Variants in LIPE observed in about 807,000 individuals in gnomAD.
LIPE encodes hormone-sensitive lipase.
LIPE carries 66 observed loss-of-function variants against 88.5 expected under a neutral mutation model. The ratio of observed to expected loss-of-function variants is 0.75; its 90% CI spans 0.61 to 0.91. The LOEUF (loss-of-function observed/expected upper bound fraction) is 0.91, where lower values mean the gene tolerates loss of function less well. Among genes scored for constraint, LIPE ranks in the 40% least tolerant of loss-of-function variants. LIPE has a pLI of 0.00. For missense variants in LIPE, 1,346 were observed against 1,434.7 expected (o/e 0.94, Z 1.00); for synonymous variants, 570 against 617.5 (o/e 0.92, Z 1.14).
At position 42,426,628 on chromosome 19, in the gene LIPE, T is replaced by C. The variant is rs149105201; in HGVS notation, c.522A>G (p.Glu174=). Residue 174 remains glutamate, a synonymous_variant, in exon 1 of 10, where the codon GAA becomes GAG. Transcript: ENST00000244289. ...GAKREPSAPT[E]STSQETPEQS... ...GTTCAGGTGTCTCTTGGGACGTAGA[T>C]TCAGTCGGGGCAGATGGCTCCCTTT... 301 of 1,614,214 alleles carry C rather than the reference T, an allele frequency of 1.9e-4. No individual in the cohort carries two copies. The African/African-American group carries it at 3.7e-3, about 20-fold the overall frequency.
chr19:42,412,546 C>G (rs1292540680), intron 1 of LIPE: 3 of 986,154 alleles, frequency 3.0e-6, no homozygotes, highest in Non-Finnish European at 1.2e-6. Context: ...GTAGAGGGCT[C>G]AGCTCCCTGC....
At position 42,410,889 on chromosome 19, in the gene LIPE, T is replaced by C; in HGVS notation, c.884-47A>G. The C allele has an allele frequency of 6.7e-7, 1 of 1,499,532 alleles. No homozygotes were observed. Among genetic ancestry groups the C allele is most frequent in the South Asian group, 1.3e-5 (1 of 75,540 alleles). The allele number at this position is 1,499,532 out of a possible 1,614,324, so 92.9% of individuals were successfully genotyped here. A position where few individuals can be genotyped will look rare whatever the true frequency, so the allele number is the denominator to read the frequency against. On this transcript the variant is annotated intron_variant, in intron 1 of 9. Transcript: ENST00000244289. The surrounding 1 kb of genome is among the most constrained non-coding windows in gnomAD (Gnocchi z 6.1). ...TGTTAGGTGGGGCTGGATCAAGCCTTGCTTAGCTGGGGCCCAGGAGTCTGG... is the reference window on the plus strand; with the variant it reads ...TGTTAGGTGGGGCTGGATCAAGCCTCGCTTAGCTGGGGCCCAGGAGTCTGG...
chr19:42,419,999 GATTTCTT>G (rs1381830233), intron 1 of LIPE, among the ~76,000 whole-genome samples: 1 of 150,964 alleles, frequency 6.6e-6, no homozygotes. Context: ...AAAGTGCTGG[GATTTCTT>G]TTCTTTTTTT....
chr19:42,423,341 G>T, intron 1 of LIPE: 2 of 1,126,330 alleles, frequency 1.8e-6, no homozygotes, highest in Non-Finnish European at 2.4e-6. Context: ...GTGGCAGTGG[G>T]CCAGTCCACG....
chr19:42,412,538 A>G, intron 1 of LIPE: 1 of 986,110 alleles, frequency 1.0e-6, no homozygotes, highest in Non-Finnish European at 1.2e-6. Context: ...TAAACAGAGT[A>G]GAGGGCTCAG....
chr19:42,402,481 C>T (rs1310547954), intron 9 of LIPE, 126 bp downstream of exon 9: 4 of 808,338 alleles, frequency 4.9e-6, no homozygotes, highest in South Asian at 3.3e-5. Flanking sequence ...CCCCTGGGGA[C>T]ACGCCTGTCC....
At position 42,401,738 on chromosome 19, in the gene LIPE, C is replaced by T. The variant is rs1310057308; in HGVS notation, c.*74G>A. The T allele has an allele frequency of 5.6e-6, 5 of 899,148 alleles. No homozygotes were observed. Among genetic ancestry groups the T allele is most frequent in the Non-Finnish European group, 7.5e-6 (5 of 663,706 alleles). The allele number at this position is 899,148 out of a possible 1,614,324, so 55.7% of individuals were successfully genotyped here. A position where few individuals can be genotyped will look rare whatever the true frequency, so the allele number is the denominator to read the frequency against. On this transcript the variant is annotated 3_prime_UTR_variant, in exon 10 of 10. Transcript: ENST00000244289. ...TGCCACCCCCGACTTAAGTAAGGCA[C>T]AGCCCGCGTCCCCTTCCGCCCGGCC...
Position 42,414,364 on chromosome 19 carries a change from C to T in LIPE, c.884-3522G>A, listed in dbSNP as rs914591783. ...GAAAGATGGCCCAAGCCCTTGCTGGCGACCCTGGATGAGTCTGTTTTCCTC... is the reference window on the plus strand; with the variant it reads ...GAAAGATGGCCCAAGCCCTTGCTGGTGACCCTGGATGAGTCTGTTTTCCTC... On this transcript the variant is annotated intron_variant, in intron 1 of 9. Transcript: ENST00000244289. This position sits in a 1 kb window ranked among gnomAD's most constrained non-coding sequence, Gnocchi z 4.6. Among the ~76,000 whole-genome samples the T allele has an allele frequency of 3.9e-5, 6 of 152,234 alleles. No homozygotes were observed. The highest frequency in any genetic ancestry group is 7.2e-5 in the African/African-American group (3 of 41,472).
Position 42,406,181 on chromosome 19 carries a change from T to C in LIPE, c.2345A>G (p.Lys782Arg), listed in dbSNP as rs1251364071. The change falls in exon 7 of 10, where the codon AAG becomes AGG. Residue 782 changes from lysine to arginine, a missense_variant. Coordinates refer to ENST00000244289, the MANE Select transcript of LIPE (RefSeq NM_005357.4). The surrounding 1 kb of genome is among the most constrained non-coding windows in gnomAD (Gnocchi z 5.7). ...DPLLPLSVLS[K>R]CVSAYAGAKT... ...CTCACCAGCATAGGCGCTGACACAC[T>C]TGGAGAGCACACTGAGGGGCAGCAA... 1 of 1,611,790 alleles carries C rather than the reference T, an allele frequency of 6.2e-7. No homozygotes were observed. Among genetic ancestry groups the C allele is most frequent in the East Asian group, 2.2e-5 (1 of 44,804 alleles).
chr19:42,412,453 G>A, intron 1 of LIPE: 2 of 986,104 alleles, frequency 2.0e-6, no homozygotes, highest in Non-Finnish European at 2.4e-6. Context: ...AAACCCGGGG[G>A]CGGGGCTGGC....
At position 42,426,745 on chromosome 19, in the gene LIPE, A is replaced by G. The variant is rs1411479617; in HGVS notation, c.405T>C (p.His135=). 1 of 1,614,054 alleles carries G rather than the reference A, an allele frequency of 6.2e-7. No individual in the cohort carries two copies. The highest frequency in any genetic ancestry group is 2.2e-5 in the East Asian group (1 of 44,870). Residue 135 remains histidine (H), a synonymous_variant, in exon 1 of 10, where the codon CAT becomes CAC. Coordinates refer to ENST00000244289, the MANE Select transcript of LIPE (RefSeq NM_005357.4). The part of the protein sequence containing the change: ...TQQEPALRQR[H]VAQPGPGPGE... ...CTGGCCCAGGCCCTGGCTGGGCTAC[A>G]TGTCTTTGTCTCAATGCTGGCTCCT...
Position 42,426,945 on chromosome 19 carries a change from C to T in LIPE, c.205G>A (p.Ala69Thr). Reference protein sequence around the residue: ...TQQETPAQHDAESQKEPRAQQ... With the variant: ...TQQETPAQHDTESQKEPRAQQ... ...GCTCTAGGTTCCTTCTGGGATTCAG[C>T]ATCATGTTGTGCAGGGGTCTCCTGC... is the stretch of plus-strand genomic sequence containing the variant. The change falls in exon 1 of 10, where the codon GCT (alanine) becomes ACT (threonine). Residue 69 changes from alanine (A) to threonine (T), a missense_variant. By Grantham distance (58) the Ala-to-Thr change is moderately conservative. Transcript: ENST00000244289. 3 of 1,614,118 alleles carry T rather than the reference C, an allele frequency of 1.9e-6. No homozygotes were observed. The highest frequency in any genetic ancestry group is 2.5e-6 in the Non-Finnish European group (3 of 1,180,022).
intron 1 of LIPE, among the ~76,000 whole-genome samples, chr19:42,413,939 T>C (rs2040436069): frequency 6.6e-6 from 1 of 152,080 alleles, no homozygotes; most frequent in Non-Finnish European, 1.5e-5. Context: ...GACAGATGGA[T>C]AGACAGAGGC....
rs1478944110 is a variant in LIPE at position 42,402,733 on chromosome 19, G to A, written c.2841C>T (p.Pro947=). 6.4e-7 allele frequency: 1 copy of A among 1,564,030 alleles called. No individual in the cohort carries two copies. The highest frequency in any genetic ancestry group is 8.7e-7 in the Non-Finnish European group (1 of 1,149,384). The part of the protein sequence containing the change: ...VRAAFPEGFH[P]RRSSQGATQM... ...GTGTGGCACCCTGGCTGGAGCGTCG[G>A]GGGTGGAAACCCTCGGGGAAGGCGG... The change falls in exon 9 of 10, where the codon CCC becomes CCT. Residue 947 remains proline, a synonymous_variant. Coordinates refer to ENST00000244289, the MANE Select transcript of LIPE (RefSeq NM_005357.4).
Position 42,426,376 on chromosome 19 carries a change from C to T in LIPE, c.774G>A (p.Val258=). ...CAGATTTTCCTTTGAAGCCTAGCTT[C>T]ACTCCCTGGGCCACCATTCCACCCA... is the stretch of plus-strand genomic sequence containing the variant. ...ATMGGMVAQG[V]KLGFKGKSGY... Residue 258 remains valine (V), a synonymous_variant, in exon 1 of 10, where the codon GTG becomes GTA. Coordinates refer to ENST00000244289, the MANE Select transcript of LIPE (RefSeq NM_005357.4). The T allele has an allele frequency of 1.9e-6, 3 of 1,614,060 alleles. No individual in the cohort carries two copies. The highest frequency in any genetic ancestry group is 1.7e-6 in the Non-Finnish European group (2 of 1,179,964).
chr19:42,426,212 A>G, intron 1 of LIPE, 55 bp downstream of exon 1: 1 of 1,519,634 alleles, frequency 6.6e-7, no homozygotes, highest in South Asian at 1.3e-5. Context: ...AGTATTTTTT[A>G]AGTAAATGAA....
At position 42,407,270 on chromosome 19, in the gene LIPE, T is replaced by G; in HGVS notation, c.2041A>C (p.Ile681Leu). The G allele has an allele frequency of 6.2e-7, 1 of 1,605,624 alleles. No homozygotes were observed. Residue 681 changes from isoleucine to leucine, a missense_variant, in exon 6 of 10, where the codon ATC becomes CTC. Ile to Leu is a conservative substitution (Grantham distance 5). Coordinates refer to ENST00000244289, the MANE Select transcript of LIPE (RefSeq NM_005357.4). This position sits in a 1 kb window ranked among gnomAD's most constrained non-coding sequence, Gnocchi z 5.8. ...AQELGAPIIS[I>L]DYSLAPEAPF... ...GCCTCAGGGGCCAGGGAGTAGTCGATGGAGATGATGGGGGCGCCCAGCTCC... is the reference window on the plus strand; with the variant it reads ...GCCTCAGGGGCCAGGGAGTAGTCGAGGGAGATGATGGGGGCGCCCAGCTCC...
intron 1 of LIPE, chr19:42,424,446 G>A (rs1034506861): frequency 1.8e-5 from 8 of 456,050 alleles, no homozygotes; most frequent in African/African-American, 1.4e-4. Flanking sequence ...GGTGTGGGGC[G>A]GGCATCCCTT....
chr19:42,402,448 C>T (rs1239884743), intron 9 of LIPE, among the ~76,000 whole-genome samples, 159 bp downstream of exon 9: 3 of 152,164 alleles, frequency 2.0e-5, no homozygotes, highest in Non-Finnish European at 4.4e-5. Context: ...TGTCCTCCTC[C>T]CGTTCGTTCG....
Sources: gnomAD v4.1 joint callset for allele counts (sites outside exome capture counted in the v4.1 genomes callset) on GRCh38, gnomAD v4.1.1 for gene constraint, Gnocchi (gnomAD v3.1) non-coding constraint, MANE v1.5 for transcripts, NCBI Gene and HGNC (gene_info 2026-07-23, HGNC 2026-07-21) for gene names.